Variants in TSPAN7 observed in about 807,000 individuals in gnomAD.
TSPAN7 encodes tetraspanin-7.
Under a neutral mutation model 17.6 loss-of-function variants are expected in TSPAN7, and 1 was observed. The observed-to-expected ratio is 0.06, with a 90% confidence interval of 0.02 to 0.27. The LOEUF (loss-of-function observed/expected upper bound fraction) is 0.27, where lower values mean the gene tolerates loss of function less well. TSPAN7 is among the 10% of genes least tolerant of loss of function. The pLI, the probability that TSPAN7 is intolerant of heterozygous loss-of-function variation, is 1.00. For synonymous variants in TSPAN7, 78 were observed against 79.0 expected (o/e 0.99, Z 0.07); for missense variants, 112 against 201.7 (o/e 0.56, Z 2.69).
intron 1 of TSPAN7, among the ~76,000 whole-genome samples, chrX:38,635,646 A>G (rs761621687): frequency 4.4e-5 from 5 of 112,493 alleles, no homozygotes; most frequent in African/African-American, 6.5e-5. Flanking sequence ...CTTAATGTCT[A>G]TTGAACACTT....
intron 1 of TSPAN7, among the ~76,000 whole-genome samples, chrX:38,661,227 T>C (rs1329829108): frequency 8.9e-6 from 1 of 112,712 alleles, no homozygotes; most frequent in Non-Finnish European, 1.9e-5. Flanking sequence ...AGGATGAAAA[T>C]AAACCTTAGT....
At chrX:38,582,696 A>T (rs1335104789) in intron 1 of TSPAN7, among the ~76,000 whole-genome samples, 1 of 112,559 alleles carries the variant, frequency 8.9e-6, no homozygotes, top group Non-Finnish European at 1.9e-5. Flanking sequence ...GATTAAGTCT[A>T]AATTTAGCAG....
In TSPAN7 at chrX:38,614,127, T is replaced by G. The variant is rs760960248; in HGVS notation, c.82-51994T>G. Among the ~76,000 whole-genome samples, 110 of 111,275 alleles carry G rather than the reference T, an allele frequency of 9.9e-4. 1 individual carries two copies. Among genetic ancestry groups the G allele is most frequent in the Admixed American group, 1.6e-3 (17 of 10,483 alleles). On this transcript the variant is annotated intron_variant, in intron 1 of 7. Transcript: ENST00000378482. ...TTTTAAAAAACAATTCCTTTACGTG[T>G]TTTTTATGGGGTTTCAAGAGAGTGA...
Position 38,585,329 on chromosome X carries a change from A to T in TSPAN7, c.81+23702A>T, listed in dbSNP as rs187090727. On this transcript the variant is annotated intron_variant, in intron 1 of 7. Coordinates refer to ENST00000378482, the MANE Select transcript of TSPAN7 (RefSeq NM_004615.4). ...TCTCAATATTTTTCCAATCTGGTAGATGTGCTTTCAATTTGCATTCTCTGG... is the reference window on the plus strand; with the variant it reads ...TCTCAATATTTTTCCAATCTGGTAGTTGTGCTTTCAATTTGCATTCTCTGG... Among the ~76,000 whole-genome samples the T allele has an allele frequency of 7.7e-4, 86 of 111,532 alleles. No homozygotes were observed. The East Asian group carries it at 0.02, about 26-fold the overall frequency.
chrX:38,563,147 C>G, intron 1 of TSPAN7: 1 of 958,728 alleles, frequency 1.0e-6, no homozygotes, highest in Non-Finnish European at 1.3e-6. Context: ...AAGGTATGGA[C>G]TCCCCAGACC....
intron 3 of TSPAN7, among the ~76,000 whole-genome samples, chrX:38,673,703 T>G: frequency 9.3e-6 from 1 of 106,975 alleles, no homozygotes; most frequent in Non-Finnish European, 1.9e-5. Flanking sequence ...CTTTATTATC[T>G]TTTTTTTTTA....
intron 1 of TSPAN7, among the ~76,000 whole-genome samples, chrX:38,566,034 G>A (rs1164924045): frequency 8.9e-6 from 1 of 111,875 alleles, no homozygotes; most frequent in African/African-American, 3.3e-5. Context: ...CTGCACTACT[G>A]GACTTACATA....
chrX:38,616,111 G>A (rs1054030957), intron 1 of TSPAN7, among the ~76,000 whole-genome samples: 1 of 112,446 alleles, frequency 8.9e-6, no homozygotes, highest in Non-Finnish European at 1.9e-5. Flanking sequence ...GGCAACTGGT[G>A]TGTAATTGTG....
At chrX:38,585,706 G>A (rs748616887) in intron 1 of TSPAN7, among the ~76,000 whole-genome samples, 3 of 111,138 alleles carry the variant, frequency 2.7e-5, no homozygotes, top group Non-Finnish European at 3.8e-5. Context: ...TTTCGATCAC[G>A]GAGGCAGATC....
At chrX:38,571,540 G>A (rs764391400) in intron 1 of TSPAN7, among the ~76,000 whole-genome samples, 1 of 110,908 alleles carries the variant, frequency 9.0e-6, no homozygotes, top group Admixed American at 9.6e-5. Context: ...TTTGGTCTTC[G>A]TTGCCTGAGA....
chrX:38,590,961 G>T (rs1037591837), intron 1 of TSPAN7, among the ~76,000 whole-genome samples: 1 of 111,104 alleles, frequency 9.0e-6, no homozygotes, highest in East Asian at 2.8e-4. Flanking sequence ...TATCAAGTTT[G>T]ATTTTCTCAA....
intron 7 of TSPAN7, 37 bp downstream of exon 7, chrX:38,687,711 C>T (rs370079725): frequency 8.8e-7 from 1 of 1,138,933 alleles, no homozygotes; most frequent in African/African-American, 1.8e-5. Context: ...TTTGAGGGGT[C>T]CCCTTTGGGA....
intron 1 of TSPAN7, among the ~76,000 whole-genome samples, chrX:38,638,150 A>G (rs1461415218): frequency 8.9e-6 from 1 of 112,105 alleles, no homozygotes; most frequent in Admixed American, 9.4e-5. Flanking sequence ...CACGTTAGGG[A>G]GCTATACCTC....
At chrX:38,624,078 G>C (rs771277163) in intron 1 of TSPAN7, among the ~76,000 whole-genome samples, 194 of 110,553 alleles carry the variant, frequency 1.8e-3, no homozygotes, top group African/African-American at 6.1e-3. Context: ...AGACAACTCT[G>C]AGAGCTTTTG....
intron 1 of TSPAN7, among the ~76,000 whole-genome samples, chrX:38,645,086 G>A (rs2069637167): frequency 8.9e-6 from 1 of 112,063 alleles, no homozygotes; most frequent in South Asian, 3.7e-4. Flanking sequence ...CATGACATCC[G>A]TATTTGCAGT....
At chrX:38,681,689 A>G (rs7888790) in intron 6 of TSPAN7, among the ~76,000 whole-genome samples, 12,950 of 111,665 alleles carry the variant, frequency 0.12, 1,800 homozygotes, top group African/African-American at 0.4. Context: ...TATGTATTAC[A>G]GATGAGATCT....
chrX:38,591,881 G>A (rs1051243977), intron 1 of TSPAN7, among the ~76,000 whole-genome samples: 1 of 111,636 alleles, frequency 9.0e-6, no homozygotes. Context: ...ATCTGTTATC[G>A]CACTGCTATA....
At position 38,671,379 on chromosome X, in the gene TSPAN7, G is replaced by T. The variant is rs1244445697; in HGVS notation, c.274G>T (p.Ala92Ser). ...TCTTTGTGTGCTTAATTTTCAGTAT[G>T]CCATGTTTCTGTCCCTGGTGTTCCT... ...RGSPWMLKLYAMFLSLVFLAE... is the reference protein window; with the variant it reads ...RGSPWMLKLYSMFLSLVFLAE... Residue 92 changes from alanine (A) to serine (S), a missense_variant, in exon 3 of 8, where the codon GCC becomes TCC. By Grantham distance (99) the Ala-to-Ser change is moderately conservative. Coordinates refer to ENST00000378482, the MANE Select transcript of TSPAN7 (RefSeq NM_004615.4). 3 of 1,209,473 alleles carry T rather than the reference G, an allele frequency of 2.5e-6. No homozygotes were observed. Among genetic ancestry groups the T allele is most frequent in the Non-Finnish European group, 3.4e-6 (3 of 894,777 alleles).
intron 1 of TSPAN7, 35 bp from the exon 2 acceptor site, chrX:38,666,086 G>T (rs765645998): frequency 8.3e-7 from 1 of 1,200,949 alleles, no homozygotes; most frequent in South Asian, 1.8e-5. Context: ...CACCTCTCTT[G>T]GCAATAGCTT....
Sources: allele counts gnomAD v4.1 joint callset (sites outside exome capture counted in the v4.1 genomes callset), GRCh38; gene constraint gnomAD v4.1.1; transcripts MANE v1.5; gene names NCBI Gene and HGNC (gene_info 2026-07-23, HGNC 2026-07-21).